TMEM260: variants seen among roughly 807,000 people sequenced by gnomAD.
The protein encoded by TMEM260 is protein O-mannosyl-transferase TMEM260.
TMEM260 carries 82 observed loss-of-function variants against 88.9 expected under a neutral mutation model. The observed-to-expected ratio is 0.92, with a 90% CI of 0.77 to 1.11. The LOEUF (loss-of-function observed/expected upper bound fraction) is 1.11. TMEM260 is among the 50% of genes least tolerant of loss of function. The probability of loss-of-function intolerance (pLI) is 0.00; values close to 1 mark genes in which losing one functional copy is unlikely to be tolerated. For missense variants in TMEM260, 902 were observed against 853.4 expected (o/e 1.06, Z -0.71); for synonymous variants, 314 against 309.3 (o/e 1.02, Z -0.16).
At chr14:56,639,052 A>G (rs1361225047) in intron 15 of TMEM260, among the ~76,000 whole-genome samples, 1 of 152,214 alleles carries the variant, frequency 6.6e-6, no homozygotes, top group Non-Finnish European at 1.5e-5. Context: ...TGCTGCCTGA[A>G]GACTAGTAGG....
Position 56,625,431 on chromosome 14 carries a change from G to C in TMEM260, c.1448G>C (p.Gly483Ala), listed in dbSNP as rs889584748. 6.2e-7 allele frequency: 1 copy of C among 1,613,808 alleles called. No individual in the cohort carries two copies. The highest frequency in any genetic ancestry group is 8.5e-7 in the Non-Finnish European group (1 of 1,179,896). The change falls in exon 12 of 16, where the codon GGT (glycine) becomes GCT (alanine). Residue 483 changes from glycine (G) to alanine (A), a missense_variant. By Grantham distance (60) the Gly-to-Ala change is moderately conservative. Transcript: ENST00000261556. ...YLPKMAKHLP[G>A]VNFPGNRWNP... ...CCCAAGATGGCAAAGCACTTGCCAG[G>C]TGTCAACTTTCCTGGGAACCGGTGG...
rs1555332384 is a variant in TMEM260 at position 56,580,060 on chromosome 14, CG to C, written c.152del (p.Gly51GlufsTer6). The C allele has an allele frequency of 4.0e-6, 5 of 1,252,134 alleles. No homozygotes were observed. The highest frequency in any genetic ancestry group is 3.1e-5 in the East Asian group (1 of 32,208). The allele number at this position is 1,252,134 out of a possible 1,614,324, so 77.6% of individuals were successfully genotyped here. On this transcript the variant is annotated frameshift_variant, in exon 1 of 16. Transcript: ENST00000261556. LOFTEE classifies it high-confidence loss of function. ...VFTFTLPPSVPGGDSGELITA... is the reference protein window; with the variant it reads ...VFTFTLPPSVXGGDSGELITA... The stretch of plus-strand genomic sequence containing the variant: ...ACCTTCACCCTGCCCCCTTCGGTAC[CG>C]GGGGGAGACTCCGGTAAAGTACTCG...
intron 12 of TMEM260, among the ~76,000 whole-genome samples, chr14:56,631,551 A>G (rs1888598112): frequency 6.7e-6 from 1 of 149,824 alleles, no homozygotes; most frequent in African/African-American, 2.5e-5. Flanking sequence ...TGAGCCTAGG[A>G]GGCAGAAGTT....
In TMEM260 at chr14:56,641,256, A is replaced by T. The variant is rs367857128; in HGVS notation, c.1869+4658A>T. Among the ~76,000 whole-genome samples, 188 of 152,316 alleles carry T rather than the reference A, an allele frequency of 1.2e-3. 9 individuals carry two copies. The South Asian group carries it at 0.032, about 26-fold the overall frequency. ...AAATGAAGGAAAAAATGTTAAGGGC[A>T]GCCAGAGAGAAAGATGGGGTTACCC... On this transcript the variant is annotated intron_variant, in intron 15 of 15. Transcript: ENST00000261556.
chr14:56,633,258 A>AT (rs60675114), intron 13 of TMEM260, 87 bp downstream of exon 13: 23,005 of 899,458 alleles, frequency 0.026, no homozygotes, highest in Middle Eastern at 0.03. Flanking sequence ...ATGCCTTCTA[A>AT]TTTTTTTTTT....
chr14:56,611,660 C>T (rs916094033), intron 6 of TMEM260, among the ~76,000 whole-genome samples: 3 of 152,192 alleles, frequency 2.0e-5, no homozygotes, highest in African/African-American at 7.2e-5. Flanking sequence ...AACAGAATTA[C>T]CATTCAACCC....
chr14:56,610,834 G>C (rs1887212850), intron 6 of TMEM260, among the ~76,000 whole-genome samples: 1 of 152,026 alleles, frequency 6.6e-6, no homozygotes, highest in South Asian at 2.1e-4. Context: ...TAATCAAAGT[G>C]CTCATAAAGA....
intron 13 of TMEM260, 120 bp downstream of exon 13, chr14:56,633,291 T>G: frequency 1.4e-6 from 1 of 721,486 alleles, no homozygotes. Context: ...ATATTGTTAC[T>G]TGCTACCCAC....
intron 6 of TMEM260, among the ~76,000 whole-genome samples, chr14:56,611,910 C>T (rs375573266): frequency 6.6e-5 from 10 of 151,908 alleles, no homozygotes; most frequent in South Asian, 2.1e-4. Context: ...GAGCAGAAAA[C>T]CAAATACCAC....
intron 1 of TMEM260, among the ~76,000 whole-genome samples, chr14:56,581,982 G>C (rs1368132997): frequency 2.6e-5 from 4 of 152,036 alleles, no homozygotes; most frequent in Non-Finnish European, 5.9e-5. Context: ...TTCACCTTGA[G>C]TTACCAAACT....
At chr14:56,596,541 T>C (rs28529192) in intron 3 of TMEM260, among the ~76,000 whole-genome samples, 72,858 of 149,090 alleles carry the variant, frequency 0.49, 18,253 homozygotes, top group East Asian at 0.77. Context: ...CCGAGGCGGG[T>C]GGATCACCTG....
In TMEM260 at chr14:56,580,195, C is replaced by G. The variant is rs80331354; in HGVS notation, c.160+121C>G. 4,682 of 750,724 alleles carry G rather than the reference C, an allele frequency of 6.2e-3. 118 individuals are homozygous for G. In the East Asian group the frequency reaches 0.068, roughly 11 times the overall value. The allele number at this position is 750,724 out of a possible 1,614,324, so 46.5% of individuals were successfully genotyped here. A position where few individuals can be genotyped will look rare whatever the true frequency, so the allele number is the denominator to read the frequency against. On this transcript the variant is annotated intron_variant, in intron 1 of 15. Coordinates refer to ENST00000261556, the MANE Select transcript of TMEM260 (RefSeq NM_017799.4). ...GTCAGCTCTGGGCCTCCATCCACCC[C>G]CCTGTGCACAGCGCACTATTGTGTG...
At chr14:56,645,401 C>T (rs558477582) in intron 15 of TMEM260, among the ~76,000 whole-genome samples, 12 of 152,066 alleles carry the variant, frequency 7.9e-5, no homozygotes, top group African/African-American at 2.9e-4. Flanking sequence ...GGACAAAAAA[C>T]CAAGCACCAC....
chr14:56,617,135 C>T, intron 8 of TMEM260, 48 bp from the exon 9 acceptor site: 2 of 1,102,060 alleles, frequency 1.8e-6, no homozygotes, highest in Non-Finnish European at 2.6e-6. Flanking sequence ...TTATATTTGA[C>T]ATTCATGTAT....
intron 11 of TMEM260, among the ~76,000 whole-genome samples, chr14:56,622,702 A>G (rs918295996): frequency 6.6e-6 from 1 of 152,326 alleles, no homozygotes; most frequent in Admixed American, 6.5e-5. Context: ...TAGAGCAGTC[A>G]TTAGGAAAAG....
intron 7 of TMEM260, among the ~76,000 whole-genome samples, chr14:56,614,150 C>G (rs781233689): frequency 6.6e-6 from 1 of 150,870 alleles, no homozygotes. Context: ...CTCAGGTGAT[C>G]CACCTGCCTC....
intron 11 of TMEM260, among the ~76,000 whole-genome samples, chr14:56,624,137 C>T (rs1254294127): frequency 6.6e-6 from 1 of 152,126 alleles, no homozygotes; most frequent in Non-Finnish European, 1.5e-5. Flanking sequence ...TAGATTATTA[C>T]ATGATTGAGC....
At position 56,621,767 on chromosome 14, in the gene TMEM260, CAT is replaced by C. The variant is rs945620158; in HGVS notation, c.1398+66_1398+67del. 4.2e-6 allele frequency: 6 copies of C among 1,426,052 alleles called. No individual in the cohort carries two copies. In the African/African-American group the frequency reaches 8.7e-5, roughly 21 times the overall value. 88.3% of individuals were successfully genotyped at this position (1,426,052 alleles called of 1,614,324 possible). A position where few individuals can be genotyped will look rare whatever the true frequency, so the allele number is the denominator to read the frequency against. ...TTAAAAACATATGTTTTGGAAAAAA[CAT>C]CTTTTTTAAAATGGTGGACGGGTAC... On this transcript the variant is annotated intron_variant, in intron 11 of 15. Transcript: ENST00000261556.
chr14:56,619,857 A>T (rs181225512), intron 10 of TMEM260, among the ~76,000 whole-genome samples: 1 of 152,342 alleles, frequency 6.6e-6, no homozygotes, highest in African/African-American at 2.4e-5. Flanking sequence ...TTACAGCGCT[A>T]TTCACAATAA....
Sources: gnomAD v4.1 joint callset for allele counts (sites outside exome capture counted in the v4.1 genomes callset) on GRCh38, gnomAD v4.1.1 for gene constraint, MANE v1.5 for transcripts, NCBI Gene and HGNC (gene_info 2026-07-23, HGNC 2026-07-21) for gene names.